The following IMMP2L variants were observed in gnomAD, a reference collection of about 807,000 sequenced individuals.
IMMP2L encodes inner mitochondrial membrane peptidase subunit 2.
Under a neutral mutation model 19.3 loss-of-function variants are expected in IMMP2L, and 18 were observed. That is an observed-to-expected ratio of 0.93 (90% CI 0.64 to 1.38). The LOEUF (loss-of-function observed/expected upper bound fraction) is 1.38, where lower values mean the gene tolerates loss of function less well. IMMP2L is among the 40% of genes most tolerant of loss of function. The pLI is 0.00. For synonymous variants in IMMP2L, 76 were observed against 73.0 expected, an observed-to-expected ratio of 1.04 and a Z score of -0.21; for missense variants, 233 against 218.2, an observed-to-expected ratio of 1.07 and a Z score of -0.43.
chr7:111,344,055 C>T (rs930699256), intron 3 of IMMP2L, among the ~76,000 whole-genome samples: 1 of 152,078 alleles, frequency 6.6e-6, no homozygotes, highest in Non-Finnish European at 1.5e-5. Flanking sequence ...ATCCACTTCC[C>T]CTCTCTTAGA....
intron 3 of IMMP2L, among the ~76,000 whole-genome samples, chr7:111,093,669 C>A (rs1431044925): frequency 6.6e-6 from 1 of 152,168 alleles, no homozygotes; most frequent in Non-Finnish European, 1.5e-5. Flanking sequence ...AATGTGCCCA[C>A]TTCAGTCTGA....
At chr7:110,812,705 A>T (rs908130755) in intron 5 of IMMP2L, among the ~76,000 whole-genome samples, 1 of 152,150 alleles carries the variant, frequency 6.6e-6, no homozygotes, top group Non-Finnish European at 1.5e-5. Flanking sequence ...ACAGAGAAGA[A>T]GGGAAAACTT....
chr7:110,786,589 A>T (rs1335696154), intron 5 of IMMP2L, among the ~76,000 whole-genome samples: 1 of 152,022 alleles, frequency 6.6e-6, no homozygotes, highest in East Asian at 1.9e-4. Context: ...CTGATAGCTA[A>T]ACCTAACACT....
chr7:111,551,420 A>G (rs1849441290), intron 1 of IMMP2L, among the ~76,000 whole-genome samples: 2 of 152,004 alleles, frequency 1.3e-5, no homozygotes, highest in South Asian at 4.2e-4. Flanking sequence ...TACCTAACGT[A>G]CTATGTATTA....
At chr7:110,916,635 T>C (rs1277322757) in intron 4 of IMMP2L, among the ~76,000 whole-genome samples, 2 of 152,196 alleles carry the variant, frequency 1.3e-5, no homozygotes, top group African/African-American at 4.8e-5. Context: ...CAGATGCAAA[T>C]ATAGAACCAA....
chr7:110,671,297 T>C (rs922906394), intron 5 of IMMP2L, among the ~76,000 whole-genome samples: 5 of 152,240 alleles, frequency 3.3e-5, no homozygotes. Flanking sequence ...ATTACATATA[T>C]GCTATTAACA....
Position 110,870,260 on chromosome 7 carries a change from CCAAAGAT to C in IMMP2L, c.408+16326_408+16332del, listed in dbSNP as rs1247405424. On this transcript the variant is annotated intron_variant, in intron 5 of 5. Coordinates refer to ENST00000405709, the MANE Select transcript of IMMP2L (RefSeq NM_032549.4). This position sits in a 1 kb window ranked among gnomAD's most constrained non-coding sequence, Gnocchi z 4.2. ...TTAAGTGCATTTCATTCTCTTTTTTCCAAAGATGTCAGATGTCCTTCTTGTATACTTT... is the reference window on the plus strand; with the variant it reads ...TTAAGTGCATTTCATTCTCTTTTTTCGTCAGATGTCCTTCTTGTATACTTT... Among the ~76,000 whole-genome samples, 1 of 152,072 alleles carries C rather than the reference CCAAAGAT, an allele frequency of 6.6e-6. No individual in the cohort carries two copies. Among genetic ancestry groups the C allele is most frequent in the East Asian group, 1.9e-4 (1 of 5,174 alleles).
chr7:110,788,785 A>G (rs1256689741), intron 5 of IMMP2L, among the ~76,000 whole-genome samples: 1 of 151,680 alleles, frequency 6.6e-6, no homozygotes, highest in African/African-American at 2.4e-5. Flanking sequence ...AATATTTCCC[A>G]TCTTGCTTGC....
intron 3 of IMMP2L, among the ~76,000 whole-genome samples, chr7:110,983,531 C>A (rs544192787): frequency 6.6e-6 from 1 of 152,016 alleles, no homozygotes; most frequent in East Asian, 1.9e-4. Context: ...CCAGGAGTCA[C>A]ATAAAAAATG....
intron 3 of IMMP2L, among the ~76,000 whole-genome samples, chr7:111,036,910 T>C (rs753304805): frequency 1.1e-4 from 17 of 152,180 alleles, no homozygotes; most frequent in Non-Finnish European, 2.4e-4. Flanking sequence ...GTTTTGCAAT[T>C]AAAAAGAAAT....
At chr7:110,782,247 G>A (rs768371501) in intron 5 of IMMP2L, among the ~76,000 whole-genome samples, 3 of 151,864 alleles carry the variant, frequency 2.0e-5, no homozygotes, top group African/African-American at 4.8e-5. Flanking sequence ...AAGGTAGATG[G>A]TACAATTCCA....
At chr7:110,672,618 G>C (rs541883831) in intron 5 of IMMP2L, among the ~76,000 whole-genome samples, 63 of 152,298 alleles carry the variant, frequency 4.1e-4, no homozygotes, top group African/African-American at 1.5e-3. Context: ...CGTCCTAGAT[G>C]CAATGAGGGT....
intron 3 of IMMP2L, among the ~76,000 whole-genome samples, chr7:111,258,634 G>A (rs1816982704): frequency 6.6e-6 from 1 of 151,878 alleles, no homozygotes; most frequent in East Asian, 1.9e-4. Flanking sequence ...AGCCTCCCAA[G>A]TAGCTGGAAT....
chr7:111,175,306 T>A (rs1789934737), intron 3 of IMMP2L, among the ~76,000 whole-genome samples: 1 of 151,888 alleles, frequency 6.6e-6, no homozygotes, highest in African/African-American at 2.4e-5. Flanking sequence ...ACCTCCATCA[T>A]TCCTAACTAT....
At chr7:111,037,415 T>TA (rs1321265402) in intron 3 of IMMP2L, among the ~76,000 whole-genome samples, 3 of 152,038 alleles carry the variant, frequency 2.0e-5, no homozygotes, top group African/African-American at 4.8e-5. Context: ...TGTAATGCAG[T>TA]CATTAATTTC....
intron 5 of IMMP2L, among the ~76,000 whole-genome samples, chr7:110,712,175 C>T (rs1220959175): frequency 1.5e-5 from 2 of 135,834 alleles, no homozygotes; most frequent in African/African-American, 5.2e-5. Flanking sequence ...TGGTGATGAA[C>T]AGATGGGTTT....
At chr7:110,991,039 A>G (rs1348419307) in intron 3 of IMMP2L, among the ~76,000 whole-genome samples, 1 of 152,142 alleles carries the variant, frequency 6.6e-6, no homozygotes, top group East Asian at 1.9e-4. Context: ...TTAAAAGTAA[A>G]TTTCATGAGT....
chr7:111,358,339 G>A (rs1039401987), intron 3 of IMMP2L, among the ~76,000 whole-genome samples: 5 of 151,440 alleles, frequency 3.3e-5, no homozygotes, highest in Non-Finnish European at 5.9e-5. Flanking sequence ...ACCCCGAAAC[G>A]TTAATGAAAG....
At chr7:110,714,964 C>T (rs1444236983) in intron 5 of IMMP2L, among the ~76,000 whole-genome samples, 1 of 152,026 alleles carries the variant, frequency 6.6e-6, no homozygotes, top group Admixed American at 6.5e-5. Flanking sequence ...TTGGTCTGTT[C>T]AGGGTTTCAA....
Sources: gnomAD v4.1 joint callset for allele counts (sites outside exome capture counted in the v4.1 genomes callset) on GRCh38, gnomAD v4.1.1 for gene constraint, Gnocchi (gnomAD v3.1) non-coding constraint, MANE v1.5 for transcripts, NCBI Gene and HGNC (gene_info 2026-07-23, HGNC 2026-07-21) for gene names.